The following CYP2B6 variants were observed in gnomAD, a reference collection of about 807,000 sequenced individuals.
CYP2B6 encodes cytochrome P450 family 2 subfamily B member 6.
CYP2B6 carries 35 observed loss-of-function variants against 43.4 expected under a neutral mutation model. The ratio of observed to expected loss-of-function variants is 0.81; its 90% confidence interval spans 0.62 to 1.07. The LOEUF is 1.07. Among genes scored for constraint, CYP2B6 ranks in the 50% least tolerant of loss-of-function variants. The pLI is 0.00. For missense variants in CYP2B6, 624 were observed against 632.8 expected (o/e 0.99, Z 0.15); for synonymous variants, 239 against 239.2 (o/e 1.00, Z 0.01).
intron 4 of CYP2B6, chr19:41,007,343 G>A (rs1189041241): frequency 4.3e-4 from 198 of 461,918 alleles, no homozygotes; most frequent in African/African-American, 3.3e-3. Flanking sequence ...ACAAAGAAGA[G>A]CAGAAATCAA....
intron 1 of CYP2B6, among the ~76,000 whole-genome samples, chr19:41,003,126 G>A (rs1476562206): frequency 6.6e-6 from 1 of 152,060 alleles, no homozygotes; most frequent in African/African-American, 2.4e-5. Context: ...TGGGAGTGAA[G>A]TGGCTGGTTT....
chr19:41,005,794 A>C (rs1038378085), intron 3 of CYP2B6, among the ~76,000 whole-genome samples: 1 of 151,990 alleles, frequency 6.6e-6, no homozygotes, highest in African/African-American at 2.4e-5. Flanking sequence ...AAATAATAAT[A>C]ATAATAATAA....
Position 41,016,922 on chromosome 19 carries a change from TGA to T in CYP2B6, c.*100_*101del, listed in dbSNP as rs1399948260. The T allele has an allele frequency of 3.4e-5, 46 of 1,337,664 alleles. No individual in the cohort carries two copies. In the African/African-American group the frequency reaches 5.1e-4, roughly 15 times the overall value. The allele number at this position is 1,337,664 out of a possible 1,614,324, so 82.9% of individuals were successfully genotyped here. ...CTGACTCCCCGCAACTTCCTGCCTC[TGA>T]GAGACCTGCTACAAGCCAGCTTCCT... On this transcript the variant is annotated 3_prime_UTR_variant, in exon 9 of 9. Transcript: ENST00000324071.
intron 5 of CYP2B6, chr19:41,009,775 T>TA: frequency 1.6e-6 from 1 of 614,208 alleles, no homozygotes; most frequent in Non-Finnish European, 2.9e-6. Context: ...CAAAGAGATG[T>TA]GGAGAGAGAT....
chr19:41,008,458 A>G (rs8113200), intron 4 of CYP2B6, among the ~76,000 whole-genome samples: 75,142 of 116,930 alleles, frequency 0.64, 26,859 homozygotes, highest in Middle Eastern at 0.81. Context: ...TTAAGCAGGG[A>G]TGTATGTTGG....
chr19:41,005,561 A>G (rs979628838), intron 3 of CYP2B6, among the ~76,000 whole-genome samples: 3 of 152,078 alleles, frequency 2.0e-5, no homozygotes, highest in African/African-American at 7.3e-5. Context: ...CTGGCGGATC[A>G]TTTGAGGCCA....
In CYP2B6 at chr19:41,004,093, T is replaced by G. The variant is rs149403002; in HGVS notation, c.264T>G (p.Leu88=). 463 of 1,609,712 alleles carry G rather than the reference T, an allele frequency of 2.9e-4. No homozygotes were observed. In the African/African-American group the frequency reaches 4.1e-3, roughly 14 times the overall value. Residue 88 remains leucine, a synonymous_variant, in exon 2 of 9, where the codon CTT becomes CTG. Coordinates refer to ENST00000324071, the MANE Select transcript of CYP2B6 (RefSeq NM_000767.5). ...GAGTAGAGGCCATACGGGAGGCCCT[T>G]GTGGACAAGGCTGAGGCCTTCTCTG... ...LCGVEAIREA[L]VDKAEAFSGR... is the part of the protein sequence containing the mutation.
chr19:40,993,749 T>C (rs1297358131), intron 1 of CYP2B6, among the ~76,000 whole-genome samples: 1 of 152,144 alleles, frequency 6.6e-6, no homozygotes, highest in Non-Finnish European at 1.5e-5. Context: ...GAAATGTCCT[T>C]AGTGTATTTG....
At chr19:41,014,735 C>T (rs565811596) in intron 8 of CYP2B6, among the ~76,000 whole-genome samples, 3 of 151,058 alleles carry the variant, frequency 2.0e-5, no homozygotes, top group South Asian at 2.1e-4. Flanking sequence ...GATGGGGAGC[C>T]AGTGGCAGAA....
intron 1 of CYP2B6, among the ~76,000 whole-genome samples, chr19:40,993,102 C>T (rs1234747231): frequency 6.6e-6 from 1 of 152,088 alleles, no homozygotes; most frequent in Non-Finnish European, 1.5e-5. Flanking sequence ...AGATTTTGTT[C>T]AGGGCATGAT....
chr19:40,997,159 G>C (rs1225914672), intron 1 of CYP2B6, among the ~76,000 whole-genome samples: 1 of 152,022 alleles, frequency 6.6e-6, no homozygotes, highest in Non-Finnish European at 1.5e-5. Flanking sequence ...CCATGTCAGT[G>C]CCAGGAGAGT....
At chr19:41,003,007 C>T (rs1034253213) in intron 1 of CYP2B6, among the ~76,000 whole-genome samples, 17 of 152,124 alleles carry the variant, frequency 1.1e-4, no homozygotes, top group African/African-American at 3.9e-4. Flanking sequence ...TGAGAACCCT[C>T]ACTGATTGTC....
rs1599855051 is a variant in CYP2B6 at position 41,016,958 on chromosome 19, A to G, written c.*131A>G. The G allele has an allele frequency of 1.1e-6, 1 of 891,438 alleles. No homozygotes were observed. Among genetic ancestry groups the G allele is most frequent in the East Asian group, 2.7e-5 (1 of 37,530 alleles). The allele number at this position is 891,438 out of a possible 1,614,324, so 55.2% of individuals were successfully genotyped here. A position where few individuals can be genotyped will look rare whatever the true frequency, so the allele number is the denominator to read the frequency against. On this transcript the variant is annotated 3_prime_UTR_variant, in exon 9 of 9. Transcript: ENST00000324071. Reference sequence around the variant, plus strand: ...CTACAAGCCAGCTTCCTTCCCCTCCATGGCACCAGTTGTCTGAGGTCACAT... The same window carrying G: ...CTACAAGCCAGCTTCCTTCCCCTCCGTGGCACCAGTTGTCTGAGGTCACAT...
intron 1 of CYP2B6, among the ~76,000 whole-genome samples, chr19:40,992,377 G>T (rs1325392213): frequency 6.6e-6 from 1 of 152,012 alleles, no homozygotes. Flanking sequence ...CCATCATAAT[G>T]GACTTGTCTG....
intron 1 of CYP2B6, among the ~76,000 whole-genome samples, chr19:40,996,349 C>T (rs1408581311): frequency 6.6e-6 from 1 of 152,174 alleles, no homozygotes. Flanking sequence ...ACAAGTACCT[C>T]TGTCACTGGA....
At chr19:41,004,477 G>A (rs1360059674) in intron 3 of CYP2B6, 31 bp downstream of exon 3, 1 of 1,611,120 alleles carries the variant, frequency 6.2e-7, no homozygotes, top group East Asian at 2.2e-5. Context: ...AGGAAAGAAA[G>A]ACAATGAAAC....
At chr19:41,001,105 A>C (rs555896930) in intron 1 of CYP2B6, among the ~76,000 whole-genome samples, 1 of 152,182 alleles carries the variant, frequency 6.6e-6, no homozygotes, top group East Asian at 1.9e-4. Context: ...AGCCTGGGGA[A>C]AGCATTTGTC....
chr19:41,014,928 G>C lies in CYP2B6; in HGVS notation c.1295-1718G>C, dbSNP rs79200488. Among the ~76,000 whole-genome samples the C allele has an allele frequency of 2.8e-3, 423 of 151,948 alleles. 2 individuals are homozygous for C. Among genetic ancestry groups the C allele is most frequent in the African/African-American group, 9.7e-3 (404 of 41,440 alleles). On this transcript the variant is annotated intron_variant, in intron 8 of 8. Transcript: ENST00000324071. ...GAATAAGAGATAGGAAAAAGAGAGAGTGACATAAAAAGAGAGGAAGAAAGA... is the reference window on the plus strand; with the variant it reads ...GAATAAGAGATAGGAAAAAGAGAGACTGACATAAAAAGAGAGGAAGAAAGA...
chr19:41,001,962 C>T (rs1352933490), intron 1 of CYP2B6, among the ~76,000 whole-genome samples: 3 of 151,058 alleles, frequency 2.0e-5, no homozygotes, highest in African/African-American at 7.3e-5. Context: ...TGAGCAGAGA[C>T]AATGAAAGAT....
Sources: allele counts gnomAD v4.1 joint callset (sites outside exome capture counted in the v4.1 genomes callset), GRCh38; gene constraint gnomAD v4.1.1; transcripts MANE v1.5; gene names NCBI Gene and HGNC (gene_info 2026-07-23, HGNC 2026-07-21).